Variants in KCNB2 observed in about 807,000 individuals in gnomAD.
KCNB2 encodes potassium voltage-gated channel subfamily B member 2.
KCNB2 carries 15 observed loss-of-function variants against 61.5 expected under a neutral mutation model. That is an observed-to-expected ratio of 0.24 (90% CI 0.16 to 0.38). KCNB2 has a LOEUF of 0.38. Among genes scored for constraint, KCNB2 ranks in the 10% least tolerant of loss-of-function variants. The probability of loss-of-function intolerance (pLI) is 1.00; values close to 1 mark genes in which losing one functional copy is unlikely to be tolerated. For synonymous variants in KCNB2, 457 were observed against 446.0 expected, an observed-to-expected ratio of 1.02 and a Z score of -0.31; for missense variants, 828 against 1,125.2, an observed-to-expected ratio of 0.74 and a Z score of 3.78.
intron 2 of KCNB2, among the ~76,000 whole-genome samples, chr8:72,914,367 A>C (rs548331586): frequency 2.6e-5 from 4 of 152,358 alleles, no homozygotes; most frequent in African/African-American, 9.6e-5. Flanking sequence ...CTACATAGGG[A>C]GATGACAATA....
intron 1 of KCNB2, among the ~76,000 whole-genome samples, chr8:72,541,835 T>C (rs1214405031): frequency 6.6e-6 from 1 of 152,146 alleles, no homozygotes; most frequent in African/African-American, 2.4e-5. Flanking sequence ...TTCAGGTTCT[T>C]TAAAAACAAG....
At chr8:72,694,516 G>A (rs1035954487) in intron 2 of KCNB2, among the ~76,000 whole-genome samples, 1 of 152,114 alleles carries the variant, frequency 6.6e-6, no homozygotes. Flanking sequence ...TTTTAAATGT[G>A]TATGGAAACT....
At chr8:72,871,546 C>T (rs2129004785) in intron 2 of KCNB2, among the ~76,000 whole-genome samples, 1 of 152,220 alleles carries the variant, frequency 6.6e-6, no homozygotes, top group South Asian at 2.1e-4. Flanking sequence ...GTTTTGTATC[C>T]CCAGCATTTC....
intron 2 of KCNB2, among the ~76,000 whole-genome samples, chr8:72,710,582 T>C (rs1021352728): frequency 1.3e-5 from 2 of 152,134 alleles, no homozygotes; most frequent in Non-Finnish European, 2.9e-5. Flanking sequence ...ACCTCAGTAA[T>C]GGCAACAGTC....
At chr8:72,703,074 T>C (rs990417142) in intron 2 of KCNB2, among the ~76,000 whole-genome samples, 3 of 152,208 alleles carry the variant, frequency 2.0e-5, no homozygotes, top group Admixed American at 1.3e-4. Context: ...AGAGCTCTTA[T>C]GTAAATATCA....
At chr8:72,662,102 A>G (rs1806390988) in intron 2 of KCNB2, among the ~76,000 whole-genome samples, 1 of 152,150 alleles carries the variant, frequency 6.6e-6, no homozygotes, top group Non-Finnish European at 1.5e-5. Flanking sequence ...GTAAACTTCC[A>G]ATGATTAAAC....
chr8:72,902,101 G>A (rs79031454), intron 2 of KCNB2, among the ~76,000 whole-genome samples: 1,787 of 152,242 alleles, frequency 0.012, 30 homozygotes, highest in African/African-American at 0.04. Flanking sequence ...AATTTCTTCA[G>A]CAGTGGTCCA....
At chr8:72,604,690 C>G (rs962708464) in intron 2 of KCNB2, among the ~76,000 whole-genome samples, 2 of 152,128 alleles carry the variant, frequency 1.3e-5, no homozygotes, top group Non-Finnish European at 2.9e-5. Flanking sequence ...GTTTTGTACC[C>G]ATTTAAATTA....
At chr8:72,847,064 A>G (rs549406751) in intron 2 of KCNB2, among the ~76,000 whole-genome samples, 5 of 152,328 alleles carry the variant, frequency 3.3e-5, no homozygotes, top group African/African-American at 1.2e-4. Flanking sequence ...ACACCATGGA[A>G]TACTATGCAC....
chr8:72,850,207 GTGTGTGTGTGTGTA>G (rs1362193445), intron 2 of KCNB2, among the ~76,000 whole-genome samples: 1,077 of 27,722 alleles, frequency 0.039, 7 homozygotes, highest in Non-Finnish European at 0.069. Context: ...GTGTGTGTGT[GTGTGTGTGTGTGTA>G]TGTGTGTGTG....
chr8:72,891,578 C>G (rs772623646), intron 2 of KCNB2, among the ~76,000 whole-genome samples: 21 of 152,300 alleles, frequency 1.4e-4, no homozygotes, highest in East Asian at 3.9e-4. Context: ...ATTTAGGCAC[C>G]CTGGTGTCTT....
chr8:72,643,679 T>C (rs1806087784), intron 2 of KCNB2, among the ~76,000 whole-genome samples: 1 of 152,162 alleles, frequency 6.6e-6, no homozygotes, highest in South Asian at 2.1e-4. Flanking sequence ...AAAATTATCT[T>C]TAATTCATGA....
intron 2 of KCNB2, among the ~76,000 whole-genome samples, chr8:72,667,081 C>T (rs917303772): frequency 6.6e-6 from 1 of 151,754 alleles, no homozygotes; most frequent in African/African-American, 2.4e-5. Flanking sequence ...TGAGATACTT[C>T]GGGCAAGTTA....
At chr8:72,538,763 GATTA>G (rs2128976225) in intron 1 of KCNB2, among the ~76,000 whole-genome samples, 1 of 152,210 alleles carries the variant, frequency 6.6e-6, no homozygotes, top group East Asian at 1.9e-4. Context: ...TTTTTGCATT[GATTA>G]ATTTTTTTAT....
At chr8:72,707,425 G>A (rs1484837190) in intron 2 of KCNB2, among the ~76,000 whole-genome samples, 1 of 152,236 alleles carries the variant, frequency 6.6e-6, no homozygotes, top group East Asian at 1.9e-4. Context: ...TCATTGATCT[G>A]CAAGCATAGC....
At chr8:72,894,024 C>T (rs564529542) in intron 2 of KCNB2, among the ~76,000 whole-genome samples, 1 of 152,308 alleles carries the variant, frequency 6.6e-6, no homozygotes, top group South Asian at 2.1e-4. Context: ...TTTCTTTGCT[C>T]TTTTGGAGCA....
intron 2 of KCNB2, among the ~76,000 whole-genome samples, chr8:72,739,955 G>A (rs1265397525): frequency 1.3e-5 from 2 of 152,130 alleles, no homozygotes; most frequent in African/African-American, 4.8e-5. Context: ...TTTGCTGATT[G>A]ATTTATTGGA....
intron 2 of KCNB2, among the ~76,000 whole-genome samples, chr8:72,935,680 C>G (rs1182328411): frequency 6.6e-6 from 1 of 152,112 alleles, no homozygotes; most frequent in East Asian, 1.9e-4. Context: ...GGCCCTCATC[C>G]AAATGTTGGA....
In KCNB2 at chr8:72,894,466, T is replaced by TTC. The variant is rs1393172340; in HGVS notation, c.580-41468_580-41467insCT. 3.0e-3 allele frequency among the ~76,000 whole-genome samples: 450 copies of TTC among 152,302 alleles called. 3 individuals carry two copies. Among genetic ancestry groups the TTC allele is most frequent in the African/African-American group, 8.0e-3 (333 of 41,582 alleles). ...CGATTCAATTTATATATTCTTTAAGTTTTAAAAGTTTAAGTTAGAATCATA... is the reference window on the plus strand; with the variant it reads ...CGATTCAATTTATATATTCTTTAAGTTCTTTAAAAGTTTAAGTTAGAATCATA... On this transcript the variant is annotated intron_variant, in intron 2 of 2. Coordinates refer to ENST00000523207, the MANE Select transcript of KCNB2 (RefSeq NM_004770.3).
Sources: gnomAD v4.1 joint callset for allele counts (sites outside exome capture counted in the v4.1 genomes callset) on GRCh38, gnomAD v4.1.1 for gene constraint, MANE v1.5 for transcripts, NCBI Gene and HGNC (gene_info 2026-07-23, HGNC 2026-07-21) for gene names.